Variants in CNTN4 observed in about 807,000 individuals in gnomAD.
CNTN4 encodes contactin 4, also known as contactin-4.
In CNTN4, 77 loss-of-function variants were observed where a neutral mutation model predicts 122.5. The observed-to-expected ratio is 0.63, with a 90% confidence interval of 0.52 to 0.76. The LOEUF is 0.76. CNTN4 is among the 30% of genes least tolerant of loss of function. The pLI is 0.00. For synonymous variants in CNTN4, 512 were observed against 447.0 expected (o/e 1.15, Z -1.83); for missense variants, 1,256 against 1,259.1 (o/e 1.00, Z 0.04).
At chr3:2,552,495 CAT>C (rs1158331289) in intron 3 of CNTN4, among the ~76,000 whole-genome samples, 2 of 152,106 alleles carry the variant, frequency 1.3e-5, no homozygotes, top group Non-Finnish European at 2.9e-5. Flanking sequence ...AATTTAAAAA[CAT>C]GTGGACTCTA....
chr3:2,930,425 G>A (rs1031985081), intron 13 of CNTN4, among the ~76,000 whole-genome samples: 1 of 152,134 alleles, frequency 6.6e-6, no homozygotes, highest in Non-Finnish European at 1.5e-5. Flanking sequence ...AATTAATGTG[G>A]TGCTTAGACA....
At chr3:2,621,019 T>C (rs2081968811) in intron 4 of CNTN4, among the ~76,000 whole-genome samples, 1 of 152,214 alleles carries the variant, frequency 6.6e-6, no homozygotes, top group Non-Finnish European at 1.5e-5. Context: ...ACTCACCAAA[T>C]CTTAATTTCA....
intron 10 of CNTN4, among the ~76,000 whole-genome samples, chr3:2,889,136 A>G (rs760948931): frequency 2.6e-5 from 4 of 152,206 alleles, no homozygotes; most frequent in Admixed American, 6.5e-5. Context: ...CTTGATTGGA[A>G]ACTGGGCAGA....
chr3:2,413,613 G>A (rs1194141745), intron 3 of CNTN4, among the ~76,000 whole-genome samples: 5 of 151,464 alleles, frequency 3.3e-5, no homozygotes, highest in Non-Finnish European at 5.9e-5. Flanking sequence ...GCGTGATCTC[G>A]GCTCACTACA....
chr3:2,474,430 ATG>A (rs1453419955), intron 3 of CNTN4, among the ~76,000 whole-genome samples: 2 of 152,218 alleles, frequency 1.3e-5, no homozygotes, highest in Admixed American at 6.5e-5. Context: ...TATAATTTAT[ATG>A]AACTTAAGCC....
intron 3 of CNTN4, among the ~76,000 whole-genome samples, chr3:2,384,170 C>T (rs758271336): frequency 6.6e-6 from 1 of 152,120 alleles, no homozygotes; most frequent in Non-Finnish European, 1.5e-5. Flanking sequence ...CATAAGGACT[C>T]AGTAACCTTT....
chr3:2,500,104 G>T (rs760646660), intron 3 of CNTN4, among the ~76,000 whole-genome samples: 17 of 152,002 alleles, frequency 1.1e-4, no homozygotes, highest in Non-Finnish European at 1.9e-4. Context: ...ACAGTATCTT[G>T]CAATATTGCT....
At chr3:2,120,374 A>AAT (rs1185851358) in intron 2 of CNTN4, among the ~76,000 whole-genome samples, 1,614 of 58,654 alleles carry the variant, frequency 0.028, 47 homozygotes, top group Non-Finnish European at 0.032. Context: ...TATATATATA[A>AAT]ATATATATAT....
intron 13 of CNTN4, among the ~76,000 whole-genome samples, chr3:2,927,810 C>G (rs1279241420): frequency 1.3e-5 from 2 of 152,136 alleles, no homozygotes; most frequent in South Asian, 4.1e-4. Context: ...ACTGAGGAAA[C>G]TCCCCATCAT....
rs144111712 is a variant in CNTN4, at chr3:2,860,235, C to T, written c.455-6517C>T. On this transcript the variant is annotated intron_variant, in intron 7 of 24. Coordinates refer to ENST00000418658, the MANE Select transcript of CNTN4 (RefSeq NM_175607.3). The stretch of plus-strand genomic sequence containing the variant: ...CGGTGAAAAGCTTTCACTTTATGTG[C>T]CAACACAAATTGATTGGAGGTAATT... Among the ~76,000 whole-genome samples the T allele has an allele frequency of 5.5e-3, 842 of 152,302 alleles. 7 individuals carry two copies. The highest frequency in any genetic ancestry group is 0.018 in the African/African-American group (739 of 41,572).
At chr3:2,464,381 A>G (rs1197124218) in intron 3 of CNTN4, among the ~76,000 whole-genome samples, 7 of 152,188 alleles carry the variant, frequency 4.6e-5, no homozygotes, top group African/African-American at 1.7e-4. Flanking sequence ...TTGTTGTGCA[A>G]CTAGCACTTG....
intron 14 of CNTN4, among the ~76,000 whole-genome samples, chr3:3,008,166 A>AT (rs10662492): frequency 6.6e-6 from 1 of 152,124 alleles, no homozygotes; most frequent in African/African-American, 2.4e-5. Context: ...GGGAGGGATA[A>AT]TTTTATATCA....
chr3:2,669,067 C>T (rs975117617), intron 4 of CNTN4, among the ~76,000 whole-genome samples: 4 of 152,056 alleles, frequency 2.6e-5, no homozygotes, highest in African/African-American at 9.7e-5. Context: ...TTTGTTGTGT[C>T]TCTGCCAGGC....
At chr3:2,251,058 A>C (rs1417353903) in intron 2 of CNTN4, among the ~76,000 whole-genome samples, 1 of 151,896 alleles carries the variant, frequency 6.6e-6, no homozygotes, top group East Asian at 1.9e-4. Flanking sequence ...AATACCAAAT[A>C]AGAATATCCT....
intron 3 of CNTN4, among the ~76,000 whole-genome samples, chr3:2,440,458 G>A (rs2048393559): frequency 6.6e-6 from 1 of 152,100 alleles, no homozygotes; most frequent in South Asian, 2.1e-4. Context: ...TACATATTGT[G>A]AGCAGATAAT....
chr3:2,959,078 A>G (rs1293132349), intron 13 of CNTN4, among the ~76,000 whole-genome samples: 5 of 152,220 alleles, frequency 3.3e-5, no homozygotes, highest in Non-Finnish European at 7.4e-5. Flanking sequence ...CTCAGTGTCT[A>G]TGTCAGAGCC....
chr3:2,834,879 T>TA (rs1332127736), intron 7 of CNTN4, among the ~76,000 whole-genome samples: 4 of 144,320 alleles, frequency 2.8e-5, no homozygotes, highest in African/African-American at 1.0e-4. Context: ...ACAAAAGCAT[T>TA]AAATTAGATA....
intron 4 of CNTN4, among the ~76,000 whole-genome samples, chr3:2,587,260 T>G (rs1220719781): frequency 6.6e-6 from 1 of 152,174 alleles, no homozygotes. Context: ...CAAACCAAAT[T>G]AAACTCACAT....
rs1438275520 is a variant in CNTN4 at position 2,961,096 on chromosome 3, GAT to G, written c.1359-27248_1359-27247del. ...ATACAAAAAATTAGCCGGGCGTGGT[GAT>G]GGGCGCCTGTAGTCCCAGCTACTCG... On this transcript the variant is annotated intron_variant, in intron 13 of 24. Transcript: ENST00000418658. Among the ~76,000 whole-genome samples, 35 of 143,460 alleles carry G rather than the reference GAT, an allele frequency of 2.4e-4. 1 individual carries two copies. The highest frequency in any genetic ancestry group is 1.1e-3 in the Admixed American group (16 of 14,102). 94.1% of individuals were successfully genotyped at this position (143,460 alleles called of 152,430 possible).
Sources: allele counts gnomAD v4.1 joint callset (sites outside exome capture counted in the v4.1 genomes callset), GRCh38; gene constraint gnomAD v4.1.1; transcripts MANE v1.5; gene names NCBI Gene and HGNC (gene_info 2026-07-23, HGNC 2026-07-21).